Variants in ZNF536 observed in about 807,000 individuals in gnomAD.
The protein encoded by ZNF536 is zinc finger protein 536.
A neutral mutation model predicts 84.5 loss-of-function variants in ZNF536; 13 were observed. The observed-to-expected ratio is 0.15, with a 90% CI of 0.10 to 0.24. The LOEUF is 0.24. Among genes scored for constraint, ZNF536 ranks in the 10% least tolerant of loss-of-function variants. ZNF536 has a pLI of 1.00. For synonymous variants in ZNF536, 811 were observed against 742.5 expected (o/e 1.09, Z -1.50); for missense variants, 1,536 against 1,747.5 (o/e 0.88, Z 2.16).
At chr19:30,666,158 G>A (rs527807228) in intron 1 of ZNF536, among the ~76,000 whole-genome samples, 2 of 152,326 alleles carry the variant, frequency 1.3e-5, no homozygotes, top group African/African-American at 4.8e-5. Context: ...GCGTGTGCAT[G>A]CTCGCTTGCT....
At chr19:30,588,615 G>A (rs139996936) in intron 1 of ZNF536, among the ~76,000 whole-genome samples, 50 of 152,188 alleles carry the variant, frequency 3.3e-4, no homozygotes, top group African/African-American at 1.1e-3. Flanking sequence ...GTATCAGTTT[G>A]GTGCTGCTCT....
intron 1 of ZNF536, among the ~76,000 whole-genome samples, chr19:30,407,571 G>C (rs1409484565): frequency 6.6e-6 from 1 of 152,186 alleles, no homozygotes; most frequent in Non-Finnish European, 1.5e-5. Context: ...TGACCAACAG[G>C]CTTCACTTTG....
intron 1 of ZNF536, among the ~76,000 whole-genome samples, chr19:30,394,194 G>T (rs1463198448): frequency 6.6e-6 from 1 of 152,158 alleles, no homozygotes; most frequent in Non-Finnish European, 1.5e-5. Flanking sequence ...GGTGGTCCAA[G>T]ACTTTTCCTT....
intron 1 of ZNF536, among the ~76,000 whole-genome samples, chr19:30,430,749 A>G (rs1417822893): frequency 1.3e-5 from 2 of 152,140 alleles, no homozygotes; most frequent in Non-Finnish European, 2.9e-5. Flanking sequence ...ATCTCAGCTC[A>G]CTGCAATCTC....
intron 1 of ZNF536, among the ~76,000 whole-genome samples, chr19:30,271,294 C>CTTTTTTTTTTTT (rs879683203): frequency 4.8e-5 from 5 of 103,194 alleles, no homozygotes; most frequent in Admixed American, 1.1e-4. Flanking sequence ...GTGTTTTTTT[C>CTTTTTTTTTTTT]TTTTCTTTTT....
intron 2 of ZNF536, among the ~76,000 whole-genome samples, chr19:30,479,199 G>A (rs2053972355): frequency 6.6e-6 from 1 of 152,134 alleles, no homozygotes; most frequent in Non-Finnish European, 1.5e-5. Context: ...TTGGGCACAA[G>A]CAGCTTTTAT....
intron 3 of ZNF536, among the ~76,000 whole-genome samples, chr19:30,357,067 G>A (rs1329048840): frequency 1.3e-5 from 2 of 152,358 alleles, no homozygotes; most frequent in African/African-American, 4.8e-5. Context: ...GGGCGTTGAG[G>A]GTGGGGAGCA....
At chr19:30,664,637 C>T (rs944121087) in intron 1 of ZNF536, among the ~76,000 whole-genome samples, 1 of 152,098 alleles carries the variant, frequency 6.6e-6, no homozygotes, top group Non-Finnish European at 1.5e-5. Flanking sequence ...TACAAAGTCC[C>T]TGGCACGTAG....
intron 1 of ZNF536, among the ~76,000 whole-genome samples, chr19:30,674,344 T>A (rs1423595306): frequency 6.6e-6 from 1 of 152,208 alleles, no homozygotes; most frequent in Non-Finnish European, 1.5e-5. Flanking sequence ...GAGGGAGTGG[T>A]TGCATAGAGT....
At chr19:30,244,947 C>T (rs2024167439) in intron 1 of ZNF536, among the ~76,000 whole-genome samples, 1 of 152,184 alleles carries the variant, frequency 6.6e-6, no homozygotes, top group Admixed American at 6.5e-5. Context: ...GGCTAGGAGA[C>T]AAAAGTCCAC....
chr19:30,641,954 G>C (rs956409898), intron 1 of ZNF536, among the ~76,000 whole-genome samples: 4 of 152,178 alleles, frequency 2.6e-5, no homozygotes, highest in African/African-American at 9.7e-5. Flanking sequence ...ACGAGCCAAA[G>C]GAAAGCCTAT....
chr19:30,693,257 C>T (rs2051495431), intron 1 of ZNF536, among the ~76,000 whole-genome samples: 2 of 152,172 alleles, frequency 1.3e-5, no homozygotes, highest in Admixed American at 6.5e-5. Context: ...TGCCCTTATC[C>T]CTGCTGAAGG....
Position 30,478,094 on chromosome 19 carries a change from G to C in ZNF536, c.2170+32362G>C, listed in dbSNP as rs76236692. On this transcript the variant is annotated intron_variant, in intron 2 of 4. Transcript: ENST00000355537. ...GGAGCTCGGGAACAGAGATCAGCAT[G>C]TGTGGGTCAGGCTGCTGATGGCTCA... Among the ~76,000 whole-genome samples the C allele has an allele frequency of 2.4e-4, 36 of 151,446 alleles. No homozygotes were observed. In the East Asian group the frequency reaches 6.4e-3, roughly 27 times the overall value.
chr19:30,599,828 G>C (rs981421191), intron 1 of ZNF536, among the ~76,000 whole-genome samples: 8 of 152,154 alleles, frequency 5.3e-5, no homozygotes, highest in African/African-American at 1.9e-4. Flanking sequence ...CCTATTCATG[G>C]ACCGTCTTGT....
chr19:30,306,246 C>T lies in ZNF536; in HGVS notation c.-120+22105C>T, dbSNP rs138745454. Among the ~76,000 whole-genome samples, 1,217 of 143,564 alleles carry T rather than the reference C, an allele frequency of 8.5e-3. 7 individuals are homozygous for T. The highest frequency in any genetic ancestry group is 0.013 in the Admixed American group (183 of 13,946). 94.2% of individuals were successfully genotyped at this position (143,564 alleles called of 152,430 possible). A position where few individuals can be genotyped will look rare whatever the true frequency, so the allele number is the denominator to read the frequency against. ...CTTGTTTACACTGGTCAGACTTCAGCTTTGAGTTTCTCTCTTCTTTTGTTG... is the reference window on the plus strand; with the variant it reads ...CTTGTTTACACTGGTCAGACTTCAGTTTTGAGTTTCTCTCTTCTTTTGTTG... On this transcript the variant is annotated intron_variant, in intron 2 of 5. Transcript: ENST00000585628.
chr19:30,399,692 T>TTG (rs1372278645), intron 1 of ZNF536, among the ~76,000 whole-genome samples: 8 of 150,524 alleles, frequency 5.3e-5, no homozygotes, highest in Non-Finnish European at 1.2e-4. Context: ...TTTTTTTTTT[T>TTG]TTTTTGAGAT....
At chr19:30,644,478 T>C (rs1464522215) in intron 1 of ZNF536, among the ~76,000 whole-genome samples, 1 of 152,168 alleles carries the variant, frequency 6.6e-6, no homozygotes, top group Non-Finnish European at 1.5e-5. Flanking sequence ...AACTCGTCAT[T>C]TAGCATTAGG....
chr19:30,512,215 G>T (rs527300466), intron 2 of ZNF536, among the ~76,000 whole-genome samples: 1 of 152,154 alleles, frequency 6.6e-6, no homozygotes, highest in Non-Finnish European at 1.5e-5. Flanking sequence ...ATTTAAAATG[G>T]TTGTTTTTCC....
At chr19:30,385,057 AC>A (rs2049281965) in intron 1 of ZNF536, among the ~76,000 whole-genome samples, 1 of 151,596 alleles carries the variant, frequency 6.6e-6, no homozygotes, top group African/African-American at 2.4e-5. Context: ...ACCCAGCTCC[AC>A]CTCCCATTGG....
Sources: allele counts gnomAD v4.1 joint callset (sites outside exome capture counted in the v4.1 genomes callset), GRCh38; gene constraint gnomAD v4.1.1; transcripts MANE v1.5; gene names NCBI Gene and HGNC (gene_info 2026-07-23, HGNC 2026-07-21).